The following UNC5C variants were observed in gnomAD, a reference collection of about 807,000 sequenced individuals.
UNC5C encodes netrin receptor UNC5C.
In UNC5C, 47 loss-of-function variants were observed where a neutral mutation model predicts 99.8. That is an observed-to-expected ratio of 0.47 (90% CI 0.37 to 0.60). The LOEUF is 0.60. Ranked by LOEUF, UNC5C falls within the 20% of genes least tolerant of loss-of-function variation. The probability of loss-of-function intolerance (pLI) is 0.00; values close to 1 mark genes in which losing one functional copy is unlikely to be tolerated. For missense variants in UNC5C, 1,062 were observed against 1,165.9 expected (o/e 0.91, Z 1.30); for synonymous variants, 487 against 452.2 (o/e 1.08, Z -0.98).
chr4:95,169,586 A>C (rs1367342105), intron 15 of UNC5C, among the ~76,000 whole-genome samples, 187 bp from the exon 16 acceptor site: 2 of 152,212 alleles, frequency 1.3e-5, no homozygotes, highest in Non-Finnish European at 2.9e-5. Context: ...GTGATGTTTA[A>C]CTTTGTGAAC....
At chr4:95,301,195 A>AT (rs34905310) in intron 3 of UNC5C, among the ~76,000 whole-genome samples, 41,567 of 125,634 alleles carry the variant, frequency 0.33, 7,863 homozygotes, top group African/African-American at 0.41. Context: ...TTTTTCCAGG[A>AT]TTTTTTTTTT....
chr4:95,486,535 T>C (rs1721334261), intron 1 of UNC5C, among the ~76,000 whole-genome samples: 1 of 151,720 alleles, frequency 6.6e-6, no homozygotes, highest in Admixed American at 6.6e-5. Context: ...CTATCCATTA[T>C]CCTACACTTA....
intron 1 of UNC5C, among the ~76,000 whole-genome samples, chr4:95,341,143 T>C (rs1743557405): frequency 6.6e-6 from 1 of 152,148 alleles, no homozygotes; most frequent in Non-Finnish European, 1.5e-5. Context: ...CTTGTTGGAA[T>C]CCATATTACA....
At chr4:95,520,752 C>A (rs1046238670) in intron 1 of UNC5C, among the ~76,000 whole-genome samples, 3 of 151,994 alleles carry the variant, frequency 2.0e-5, no homozygotes, top group Non-Finnish European at 2.9e-5. Context: ...GTGCCGGCCA[C>A]CACGCCCAGC....
chr4:95,468,530 T>C (rs1243696879), intron 1 of UNC5C, among the ~76,000 whole-genome samples: 1 of 152,214 alleles, frequency 6.6e-6, no homozygotes, highest in Admixed American at 6.5e-5. Flanking sequence ...TGAAGTCATG[T>C]ACAACATCTG....
intron 12 of UNC5C, among the ~76,000 whole-genome samples, chr4:95,189,282 C>T (rs577719154): frequency 1.3e-5 from 2 of 152,276 alleles, no homozygotes; most frequent in East Asian, 3.9e-4. Flanking sequence ...TTTCACAGTT[C>T]TTTTATTCAA....
chr4:95,212,800 GTGTTC>G (rs2149364860), intron 10 of UNC5C, among the ~76,000 whole-genome samples: 1 of 152,256 alleles, frequency 6.6e-6, no homozygotes, highest in South Asian at 2.1e-4. Context: ...TCTATTCTGT[GTGTTC>G]TGCCCCTCCT....
intron 14 of UNC5C, among the ~76,000 whole-genome samples, chr4:95,176,440 T>G (rs910763293): frequency 1.3e-5 from 2 of 149,262 alleles, no homozygotes; most frequent in Non-Finnish European, 3.0e-5. Flanking sequence ...GTCCTTTCTG[T>G]TTGTTAGTTT....
intron 1 of UNC5C, among the ~76,000 whole-genome samples, chr4:95,468,328 T>G (rs543565228): frequency 1.3e-5 from 2 of 152,160 alleles, no homozygotes; most frequent in African/African-American, 4.8e-5. Context: ...CTCTGTCTTT[T>G]TTTATTATCT....
intron 1 of UNC5C, among the ~76,000 whole-genome samples, chr4:95,448,196 GTCTC>G (rs35244224): frequency 0.32 from 36,050 of 112,260 alleles, 6,257 homozygotes; most frequent in Middle Eastern, 0.38. Context: ...TAATGTGTGT[GTCTC>G]TGTGTGTGTG....
At chr4:95,201,302 G>A (rs771908009) in intron 12 of UNC5C, among the ~76,000 whole-genome samples, 5 of 152,060 alleles carry the variant, frequency 3.3e-5, no homozygotes, top group African/African-American at 4.8e-5. Flanking sequence ...TTGAGCGCTC[G>A]TCATGGGATT....
At chr4:95,477,745 ATT>A (rs1720981545) in intron 1 of UNC5C, among the ~76,000 whole-genome samples, 1 of 151,964 alleles carries the variant, frequency 6.6e-6, no homozygotes, top group Non-Finnish European at 1.5e-5. Flanking sequence ...AAAAAGCAGG[ATT>A]TTCATGAAGA....
At chr4:95,250,309 T>C (rs1324001431) in intron 5 of UNC5C, among the ~76,000 whole-genome samples, 178 bp downstream of exon 5, 4 of 151,886 alleles carry the variant, frequency 2.6e-5, no homozygotes. Flanking sequence ...CCCTTGAGCC[T>C]AGGAGGTTGA....
In UNC5C at chr4:95,216,257, C is replaced by T. The variant is rs190368268; in HGVS notation, c.1646-46G>A. 126 of 1,485,258 alleles carry T rather than the reference C, an allele frequency of 8.5e-5. No individual in the cohort carries two copies. The African/African-American group carries it at 1.4e-3, about 17-fold the overall frequency. 92.0% of individuals were successfully genotyped at this position (1,485,258 alleles called of 1,614,324 possible). On this transcript the variant is annotated intron_variant, in intron 9 of 15. Coordinates refer to ENST00000453304, the MANE Select transcript of UNC5C (RefSeq NM_003728.4). Reference sequence around the variant, plus strand: ...GCAGTCATTTAAGACTTTTGCAGCACGTAAAAGGGAATGAGGAGATTTTGT... The same window carrying T: ...GCAGTCATTTAAGACTTTTGCAGCATGTAAAAGGGAATGAGGAGATTTTGT...
At chr4:95,548,102 C>A (rs1431064637) in intron 1 of UNC5C, among the ~76,000 whole-genome samples, 1 of 152,224 alleles carries the variant, frequency 6.6e-6, no homozygotes, top group African/African-American at 2.4e-5. Context: ...AGTGCAGAGG[C>A]ATGCACATCC....
Position 95,315,304 on chromosome 4 carries a change from T to C in UNC5C, c.347-13555A>G, listed in dbSNP as rs184153701. The stretch of plus-strand genomic sequence containing the variant: ...TGTTAGAATGGTACATTCATTGTCA[T>C]AACAATCTTAGGAAGGTGACCTTGT... On this transcript the variant is annotated intron_variant, in intron 2 of 15. Coordinates refer to ENST00000453304, the MANE Select transcript of UNC5C (RefSeq NM_003728.4). Among the ~76,000 whole-genome samples, 444 of 152,270 alleles carry C rather than the reference T, an allele frequency of 2.9e-3. 8 individuals carry two copies. The highest frequency in any genetic ancestry group is 4.6e-3 in the East Asian group (24 of 5,190).
intron 1 of UNC5C, among the ~76,000 whole-genome samples, chr4:95,418,434 T>C (rs994020195): frequency 6.6e-6 from 1 of 152,178 alleles, no homozygotes; most frequent in Non-Finnish European, 1.5e-5. Flanking sequence ...TTAGACTAAA[T>C]GTGGTTAGGA....
At chr4:95,463,423 C>G (rs1271446267) in intron 1 of UNC5C, among the ~76,000 whole-genome samples, 2 of 151,992 alleles carry the variant, frequency 1.3e-5, no homozygotes, top group South Asian at 4.2e-4. Flanking sequence ...GAACACTGAA[C>G]GAAGCACAAG....
intron 2 of UNC5C, among the ~76,000 whole-genome samples, chr4:95,328,123 G>T: frequency 1.0e-5 from 1 of 99,784 alleles, no homozygotes; most frequent in African/African-American, 3.6e-5. Flanking sequence ...GTGCAGGTTA[G>T]TTACATATGT....
Sources: allele counts gnomAD v4.1 joint callset (sites outside exome capture counted in the v4.1 genomes callset), GRCh38; gene constraint gnomAD v4.1.1; transcripts MANE v1.5; gene names NCBI Gene and HGNC (gene_info 2026-07-23, HGNC 2026-07-21).